SLCO1B1: variants seen among roughly 807,000 people sequenced by gnomAD.
SLCO1B1 encodes the protein solute carrier organic anion transporter family member 1B1.
A neutral mutation model predicts 70.1 loss-of-function variants in SLCO1B1; 81 were observed. The ratio of observed to expected loss-of-function variants is 1.16; its 90% CI spans 0.97 to 1.39. The LOEUF (loss-of-function observed/expected upper bound fraction) is 1.39, where lower values mean the gene tolerates loss of function less well. SLCO1B1 is among the 40% of genes most tolerant of loss of function. The pLI is 0.00. For missense variants in SLCO1B1, 895 were observed against 799.6 expected, an observed-to-expected ratio of 1.12 and a Z score of -1.44; for synonymous variants, 283 against 271.5, an observed-to-expected ratio of 1.04 and a Z score of -0.42.
intron 7 of SLCO1B1, among the ~76,000 whole-genome samples, chr12:21,191,717 GCTTT>G (rs1391723919): frequency 1.3e-5 from 2 of 152,016 alleles, no homozygotes; most frequent in Non-Finnish European, 2.9e-5. Context: ...GTTCCTGAAA[GCTTT>G]CTGTTTTTCA....
intron 8 of SLCO1B1, among the ~76,000 whole-genome samples, chr12:21,198,571 T>C: frequency 6.6e-6 from 1 of 151,990 alleles, no homozygotes; most frequent in East Asian, 1.9e-4. Flanking sequence ...TTATGAACAG[T>C]TTTTGTAGGT....
In SLCO1B1 at chr12:21,239,361, A is replaced by G. The variant is rs1176372336; in HGVS notation, c.*172A>G. 1.6e-6 allele frequency: 1 copy of G among 613,528 alleles called. No homozygotes were observed. The highest frequency in any genetic ancestry group is 2.9e-6 in the Non-Finnish European group (1 of 339,272). The allele number at this position is 613,528 out of a possible 1,614,324, so 38.0% of individuals were successfully genotyped here. The stretch of plus-strand genomic sequence containing the variant: ...ATAATAAAACAAACTGTAGGTAGAA[A>G]AAATGAGAGTACTCATTGTTACATT... On this transcript the variant is annotated 3_prime_UTR_variant, in exon 15 of 15. Coordinates refer to ENST00000256958, the MANE Select transcript of SLCO1B1 (RefSeq NM_006446.5).
At chr12:21,202,717 A>G (rs1454355374) in intron 10 of SLCO1B1, 31 bp downstream of exon 10, 2 of 1,515,262 alleles carry the variant, frequency 1.3e-6, no homozygotes, top group African/African-American at 2.8e-5. Flanking sequence ...CAATTGCATA[A>G]TATGTTAACC....
intron 2 of SLCO1B1, among the ~76,000 whole-genome samples, chr12:21,145,872 A>G (rs1012101486): frequency 6.6e-6 from 1 of 152,074 alleles, no homozygotes; most frequent in Admixed American, 6.6e-5. Flanking sequence ...AAGTTTTAGT[A>G]CATTTATTTT....
In SLCO1B1 at chr12:21,178,924, A is replaced by C. The variant is rs184348772; in HGVS notation, c.631A>C (p.Ile211Leu). ...AAATTGCTTTATAATATTTTCAGGTATATTGAATGCAATAGCAATGATTGG... is the reference window on the plus strand; with the variant it reads ...AAATTGCTTTATAATATTTTCAGGTCTATTGAATGCAATAGCAATGATTGG... ...KEGHSSLYLG[I>L]LNAIAMIGPI... The change falls in exon 7 of 15, where the codon ATA becomes CTA. Residue 211 changes from isoleucine to leucine, a missense_variant and splice_region_variant. By Grantham distance (5) the Ile-to-Leu change is conservative. Transcript: ENST00000256958. 7.5e-6 allele frequency: 12 copies of C among 1,601,824 alleles called. No individual in the cohort carries two copies. Among genetic ancestry groups the C allele is most frequent in the African/African-American group, 2.7e-5 (2 of 74,756 alleles).
chr12:21,137,199 C>G (rs542426419), intron 1 of SLCO1B1, among the ~76,000 whole-genome samples: 2 of 152,132 alleles, frequency 1.3e-5, no homozygotes, highest in African/African-American at 2.4e-5. Context: ...GAAGTTTTGT[C>G]TCAGAGGAGT....
At chr12:21,174,451 T>A in intron 3 of SLCO1B1, 126 bp from the exon 4 acceptor site, 1 of 893,238 alleles carries the variant, frequency 1.1e-6, no homozygotes, top group Non-Finnish European at 1.8e-6. Flanking sequence ...ACCTTCTCAA[T>A]TAAATCACAT....
intron 1 of SLCO1B1, among the ~76,000 whole-genome samples, chr12:21,138,251 C>G (rs553405598): frequency 6.6e-6 from 1 of 152,260 alleles, no homozygotes; most frequent in South Asian, 2.1e-4. Flanking sequence ...AAGCTTGACA[C>G]AGATAAGTAG....
chr12:21,187,821 G>T (rs1174523792), intron 7 of SLCO1B1, among the ~76,000 whole-genome samples: 1 of 152,144 alleles, frequency 6.6e-6, no homozygotes, highest in Non-Finnish European at 1.5e-5. Flanking sequence ...AAAGTGAGGA[G>T]TAAAGAATTT....
chr12:21,174,834 A>ATCTT, intron 4 of SLCO1B1, 125 bp downstream of exon 4: 3 of 881,918 alleles, frequency 3.4e-6, no homozygotes, highest in Non-Finnish European at 3.5e-6. Flanking sequence ...CTAAGTGTGT[A>ATCTT]CAGAAATGAA....
intron 13 of SLCO1B1, 57 bp downstream of exon 13, chr12:21,222,421 T>C (rs1359753750): frequency 6.3e-6 from 1 of 158,646 alleles, no homozygotes; most frequent in Non-Finnish European, 1.0e-5. Flanking sequence ...TATATATATA[T>C]ATATATACAC....
At chr12:21,205,723 C>A (rs565001792) in intron 10 of SLCO1B1, 145 bp from the exon 11 acceptor site, 3 of 614,418 alleles carry the variant, frequency 4.9e-6, no homozygotes, top group Non-Finnish European at 8.1e-6. Context: ...ATCATCAAAG[C>A]AAATTTCTTC....
chr12:21,179,693 T>C (rs568748466), intron 7 of SLCO1B1, among the ~76,000 whole-genome samples: 1 of 152,128 alleles, frequency 6.6e-6, no homozygotes, highest in Non-Finnish European at 1.5e-5. Context: ...CTTTATCTTC[T>C]TTTTCTTTTT....
intron 2 of SLCO1B1, chr12:21,164,983 C>T (rs1276589652): frequency 5.3e-6 from 2 of 374,238 alleles, no homozygotes; most frequent in African/African-American, 4.3e-5. Context: ...TGTTCCTGTT[C>T]CTCTGTACCT....
rs546453590 is a variant in SLCO1B1, at chr12:21,150,027, T to A, written c.84+8369T>A. 7.9e-5 allele frequency among the ~76,000 whole-genome samples: 12 copies of A among 152,178 alleles called. No individual in the cohort carries two copies. In the South Asian group the frequency reaches 2.5e-3, roughly 32 times the overall value. ...CGAGCTTGGTAGGGGGAGGGGTGTC[T>A]GCCATTACTGAGGCTTGAGTAGGTG... On this transcript the variant is annotated intron_variant, in intron 2 of 14. Coordinates refer to ENST00000256958, the MANE Select transcript of SLCO1B1 (RefSeq NM_006446.5).
chr12:21,197,630 C>A (rs541748561), intron 8 of SLCO1B1, among the ~76,000 whole-genome samples: 40 of 152,066 alleles, frequency 2.6e-4, no homozygotes, highest in Non-Finnish European at 4.6e-4. Flanking sequence ...AATATATAGA[C>A]AATAGCAATA....
intron 11 of SLCO1B1, among the ~76,000 whole-genome samples, chr12:21,213,120 G>A (rs1941309618): frequency 1.3e-5 from 2 of 151,602 alleles, no homozygotes; most frequent in African/African-American, 4.9e-5. Flanking sequence ...ATGTTAGCTG[G>A]TTATTTTGCT....
At chr12:21,180,833 T>G (rs1940886292) in intron 7 of SLCO1B1, among the ~76,000 whole-genome samples, 1 of 152,202 alleles carries the variant, frequency 6.6e-6, no homozygotes, top group African/African-American at 2.4e-5. Flanking sequence ...CTTAGGTTAA[T>G]TATTTTATAA....
At chr12:21,229,195 C>G (rs1156475917) in intron 14 of SLCO1B1, among the ~76,000 whole-genome samples, 1 of 152,146 alleles carries the variant, frequency 6.6e-6, no homozygotes, top group Non-Finnish European at 1.5e-5. Flanking sequence ...TGTCTCCCAA[C>G]AAAGGGTGAT....
Sources: gnomAD v4.1 joint callset for allele counts (sites outside exome capture counted in the v4.1 genomes callset) on GRCh38, gnomAD v4.1.1 for gene constraint, MANE v1.5 for transcripts, NCBI Gene and HGNC (gene_info 2026-07-23, HGNC 2026-07-21) for gene names.